DIRAS2: variants seen among roughly 807,000 people sequenced by gnomAD.
DIRAS2 encodes the protein GTP-binding protein Di-Ras2.
A neutral mutation model predicts 13.9 loss-of-function variants in DIRAS2; 5 were observed. That is an observed-to-expected ratio of 0.36 (90% CI 0.19 to 0.76). DIRAS2 has a LOEUF of 0.76. DIRAS2 is among the 30% of genes least tolerant of loss of function. The probability of loss-of-function intolerance (pLI) is 0.53; values close to 1 mark genes in which losing one functional copy is unlikely to be tolerated. For synonymous variants in DIRAS2, 111 were observed against 105.4 expected (o/e 1.05, Z -0.33); for missense variants, 191 against 263.0 (o/e 0.73, Z 1.89).
intron 1 of DIRAS2, among the ~76,000 whole-genome samples, chr9:90,628,785 A>G (rs1443517104): frequency 6.6e-6 from 1 of 152,176 alleles, no homozygotes; most frequent in East Asian, 1.9e-4. Flanking sequence ...GGGCTCAAGC[A>G]ATCCACTTCC....
At chr9:90,632,455 A>G (rs1410647556) in intron 1 of DIRAS2, among the ~76,000 whole-genome samples, 2 of 152,160 alleles carry the variant, frequency 1.3e-5, no homozygotes, top group Non-Finnish European at 2.9e-5. Flanking sequence ...CACTGGCTCA[A>G]TGAGAATTTC....
chr9:90,613,191 C>G lies in DIRAS2; in HGVS notation c.*37G>C. On this transcript the variant is annotated 3_prime_UTR_variant, in exon 2 of 2. Coordinates refer to ENST00000375765, the MANE Select transcript of DIRAS2 (RefSeq NM_017594.5). The surrounding 1 kb of genome is among the most constrained non-coding windows in gnomAD (Gnocchi z 5.6). The stretch of plus-strand genomic sequence containing the variant: ...GTGTCATTTTGGGGGAGTGAGGTGC[C>G]GGGGACACACAGCTGCTCCTCCCGC... 1 of 1,582,426 alleles carries G rather than the reference C, an allele frequency of 6.3e-7. No individual in the cohort carries two copies. The highest frequency in any genetic ancestry group is 1.2e-5 in the South Asian group (1 of 84,840).
At chr9:90,642,182 C>T (rs1201038899) in intron 1 of DIRAS2, among the ~76,000 whole-genome samples, 5 of 152,252 alleles carry the variant, frequency 3.3e-5, no homozygotes, top group African/African-American at 7.2e-5. Context: ...AGTCTTACAA[C>T]TAAGGACTGG....
chr9:90,639,419 G>A (rs958696484), intron 1 of DIRAS2, among the ~76,000 whole-genome samples: 1 of 152,144 alleles, frequency 6.6e-6, no homozygotes, highest in African/African-American at 2.4e-5. Context: ...ATATTTTATT[G>A]CATAGTACAG....
intron 1 of DIRAS2, among the ~76,000 whole-genome samples, chr9:90,617,296 T>A (rs1182993781): frequency 6.6e-6 from 1 of 152,100 alleles, no homozygotes; most frequent in Non-Finnish European, 1.5e-5. Flanking sequence ...GGGGGAGATA[T>A]CTGGTAGGTG....
chr9:90,627,755 C>T (rs997830806), intron 1 of DIRAS2, among the ~76,000 whole-genome samples: 1 of 152,030 alleles, frequency 6.6e-6, no homozygotes, highest in African/African-American at 2.4e-5. Context: ...AATAACCGAA[C>T]CATGAATTAA....
At chr9:90,640,441 T>C (rs1825408811) in intron 1 of DIRAS2, among the ~76,000 whole-genome samples, 1 of 152,248 alleles carries the variant, frequency 6.6e-6, no homozygotes, top group African/African-American at 2.4e-5. Context: ...ACCAGTTAAA[T>C]AACTTTCAGT....
At position 90,613,938 on chromosome 9, in the gene DIRAS2, C is replaced by G; in HGVS notation, c.-36-75G>C. On this transcript the variant is annotated intron_variant, in intron 1 of 1. Transcript: ENST00000375765. This position sits in a 1 kb window ranked among gnomAD's most constrained non-coding sequence, Gnocchi z 5.6. ...ACATTAATAAGGATAGCTCTACCCT[C>G]TTTTGATAGCTTAAAAATGGGAGGT... is the stretch of plus-strand genomic sequence containing the variant. The G allele has an allele frequency of 7.6e-7, 1 of 1,310,686 alleles. No homozygotes were observed. The highest frequency in any genetic ancestry group is 1.0e-6 in the Non-Finnish European group (1 of 974,592). 81.2% of individuals were successfully genotyped at this position (1,310,686 alleles called of 1,614,324 possible).
intron 1 of DIRAS2, among the ~76,000 whole-genome samples, chr9:90,628,021 A>C (rs900742956): frequency 7.2e-6 from 1 of 139,556 alleles, no homozygotes; most frequent in Non-Finnish European, 1.6e-5. Context: ...CAGAATTTAA[A>C]ATTTAAAAAA....
intron 1 of DIRAS2, among the ~76,000 whole-genome samples, chr9:90,622,482 C>T (rs1825228974): frequency 6.7e-6 from 1 of 148,852 alleles, no homozygotes; most frequent in East Asian, 2.0e-4. Context: ...TTTCCTCTAA[C>T]TCTTAGCTGC....
chr9:90,617,883 A>G (rs1363445270), intron 1 of DIRAS2, among the ~76,000 whole-genome samples: 1 of 152,220 alleles, frequency 6.6e-6, no homozygotes. Flanking sequence ...GATGCAAAAC[A>G]TATCTGGAAA....
chr9:90,620,646 T>C (rs1825211225), intron 1 of DIRAS2, among the ~76,000 whole-genome samples: 1 of 151,702 alleles, frequency 6.6e-6, no homozygotes, highest in Non-Finnish European at 1.5e-5. Flanking sequence ...ATCCCAGTTA[T>C]TCGGGTGACT....
chr9:90,631,838 C>A (rs966449369), intron 1 of DIRAS2, among the ~76,000 whole-genome samples: 3 of 152,160 alleles, frequency 2.0e-5, no homozygotes, highest in African/African-American at 7.2e-5. Context: ...AGGACATGTG[C>A]AAGTCTAAAC....
intron 1 of DIRAS2, among the ~76,000 whole-genome samples, chr9:90,616,131 T>C (rs1825166712): frequency 6.6e-6 from 1 of 152,224 alleles, no homozygotes; most frequent in Admixed American, 6.5e-5. Flanking sequence ...ATACACTCTT[T>C]ATGAGTTTGC....
At chr9:90,616,357 T>C (rs1825168986) in intron 1 of DIRAS2, among the ~76,000 whole-genome samples, 2 of 152,170 alleles carry the variant, frequency 1.3e-5, no homozygotes, top group Admixed American at 6.5e-5. Flanking sequence ...TCTATTCTCA[T>C]GAAACTCAGA....
intron 1 of DIRAS2, among the ~76,000 whole-genome samples, chr9:90,638,890 A>G (rs999022745): frequency 4.6e-5 from 7 of 152,146 alleles, no homozygotes; most frequent in African/African-American, 1.4e-4. Flanking sequence ...GTGCTCCAAT[A>G]AAACAGAGTG....
chr9:90,640,792 GA>G (rs1456140637), intron 1 of DIRAS2, among the ~76,000 whole-genome samples: 1 of 152,172 alleles, frequency 6.6e-6, no homozygotes, highest in Admixed American at 6.5e-5. Context: ...CCAGACAACT[GA>G]ATGGTCCTCT....
At chr9:90,632,126 G>T (rs1005994973) in intron 1 of DIRAS2, among the ~76,000 whole-genome samples, 2 of 152,132 alleles carry the variant, frequency 1.3e-5, no homozygotes, top group African/African-American at 4.8e-5. Context: ...TGATCAGTTT[G>T]CCTCAGGCTC....
At chr9:90,625,465 G>A (rs931046649) in intron 1 of DIRAS2, among the ~76,000 whole-genome samples, 1 of 152,130 alleles carries the variant, frequency 6.6e-6, no homozygotes, top group Non-Finnish European at 1.5e-5. Context: ...CTTATGTTTA[G>A]GTCATTGATC....
Sources: gnomAD v4.1 joint callset for allele counts (sites outside exome capture counted in the v4.1 genomes callset) on GRCh38, gnomAD v4.1.1 for gene constraint, Gnocchi (gnomAD v3.1) non-coding constraint, MANE v1.5 for transcripts, NCBI Gene and HGNC (gene_info 2026-07-23, HGNC 2026-07-21) for gene names.